Variants in CEP72 observed in about 807,000 individuals in gnomAD.
The protein encoded by CEP72 is centrosomal protein of 72 kDa.
A neutral mutation model predicts 65.7 loss-of-function variants in CEP72; 78 were observed. The ratio of observed to expected loss-of-function variants is 1.19; its 90% CI spans 0.99 to 1.43. The LOEUF (loss-of-function observed/expected upper bound fraction) is 1.43. CEP72 is among the 40% of genes most tolerant of loss of function. The probability of loss-of-function intolerance (pLI) is 0.00; values close to 1 mark genes in which losing one functional copy is unlikely to be tolerated. For synonymous variants in CEP72, 358 were observed against 351.7 expected (o/e 1.02, Z -0.20); for missense variants, 914 against 832.9 (o/e 1.10, Z -1.20).
intron 11 of CEP72, among the ~76,000 whole-genome samples, chr5:650,571 CTG>C (rs372028141): frequency 6.7e-3 from 63 of 9,350 alleles, no homozygotes; most frequent in Non-Finnish European, 7.2e-3. Flanking sequence ...TGAGGTGTGA[CTG>C]TGAGGTGTGA....
Position 653,112 on chromosome 5 carries a change from C to T in CEP72, c.1903C>T (p.Pro635Ser), listed in dbSNP as rs62330302. The T allele has an allele frequency of 1.9e-6, 3 of 1,612,918 alleles. No homozygotes were observed. Among genetic ancestry groups the T allele is most frequent in the Admixed American group, 3.3e-5 (2 of 59,964 alleles). ...QELKKTMALF[P>S]HSSASHGGCQ... ...GCTCAAGAAGACCATGGCCCTGTTT[C>T]CACACAGCAGCGCCAGCCATGGAGG... The change falls in exon 12 of 12, where the codon CCA (proline) becomes TCA (serine). Residue 635 changes from proline to serine, a missense_variant. Coordinates refer to ENST00000264935, the MANE Select transcript of CEP72 (RefSeq NM_018140.4).
intron 4 of CEP72, among the ~76,000 whole-genome samples, chr5:629,442 T>A (rs544799268): frequency 1.0e-4 from 15 of 148,474 alleles, no homozygotes; most frequent in Admixed American, 3.4e-4. Flanking sequence ...GGTGGGATTC[T>A]GTCCAGTGCC....
At chr5:673,552 ACACGGCGCCCACT>A in the CEP72 span, among the ~76,000 whole-genome samples, 2 of 152,072 alleles carry the variant, frequency 1.3e-5, no homozygotes, top group Non-Finnish European at 1.5e-5. Context: ...ACAATCTCCC[ACACGGCGCCCACT>A]CACGGTGCCC....
At chr5:658,664 T>A (rs1261856589), downstream of CEP72, among the ~76,000 whole-genome samples, 7 of 61,952 alleles carry the variant, frequency 1.1e-4, no homozygotes, top group African/African-American at 4.5e-4. Context: ...TTTTTTTTTT[T>A]TTTTTTTTTT....
chr5:642,365 C>G (rs2126799613), intron 9 of CEP72: 1 of 985,424 alleles, frequency 1.0e-6, no homozygotes, highest in Admixed American at 6.1e-5. Context: ...CTCTGGAAGC[C>G]TCTATATTTA....
downstream of CEP72, among the ~76,000 whole-genome samples, chr5:654,008 GTGC>G (rs1414168726): frequency 2.2e-5 from 3 of 139,158 alleles, no homozygotes; most frequent in Non-Finnish European, 4.6e-5. Context: ...CTGTGTGTGT[GTGC>G]TGTGTGTGCG....
intron 11 of CEP72, 122 bp from the exon 12 acceptor site, chr5:652,866 T>G: frequency 3.7e-6 from 4 of 1,072,796 alleles, no homozygotes; most frequent in African/African-American, 1.6e-5. Flanking sequence ...CAGAGATAGG[T>G]CTGTGTGCAG....
Position 645,606 on chromosome 5 carries a change from C to T in CEP72, c.1666+1181C>T, listed in dbSNP as rs1247625483. 6.6e-6 allele frequency among the ~76,000 whole-genome samples: 1 copy of T among 152,166 alleles called. No individual in the cohort carries two copies. The highest frequency in any genetic ancestry group is 1.5e-5 in the Non-Finnish European group (1 of 68,036). ...GGGTGTTGCTGTGTCTGACCTGTCC[C>T]ATCTCGAGTGAGTGCAGGCACCAGC... is the stretch of plus-strand genomic sequence containing the variant. On this transcript the variant is annotated intron_variant, in intron 10 of 11. Transcript: ENST00000264935. The surrounding 1 kb of genome is among the most constrained non-coding windows in gnomAD (Gnocchi z 4.0).
chr5:622,687 C>T (rs1051428467), intron 3 of CEP72, among the ~76,000 whole-genome samples: 7 of 152,218 alleles, frequency 4.6e-5, no homozygotes, highest in African/African-American at 1.7e-4. Context: ...GTGCTGGCCA[C>T]CTGAGAGCCT....
chr5:628,870 C>G (rs1398059876), intron 4 of CEP72, among the ~76,000 whole-genome samples: 4 of 111,146 alleles, frequency 3.6e-5, no homozygotes, highest in African/African-American at 1.6e-4. Context: ...GTGCAGCGTT[C>G]TGGAGAACTC....
In CEP72 at chr5:623,421, C is replaced by T. The variant is rs1211837839; in HGVS notation, c.404-1050C>T. ...GGAGGAGGCAGATAGCAAGGGCCTG[C>T]GTGTGGGATGGAGGCGGCGTCTGGA... On this transcript the variant is annotated intron_variant, in intron 3 of 11. Coordinates refer to ENST00000264935, the MANE Select transcript of CEP72 (RefSeq NM_018140.4). The surrounding 1 kb of genome is among the most constrained non-coding windows in gnomAD (Gnocchi z 5.3). 2.0e-5 allele frequency among the ~76,000 whole-genome samples: 3 copies of T among 152,112 alleles called. No homozygotes were observed. Among genetic ancestry groups the T allele is most frequent in the East Asian group, 1.9e-4 (1 of 5,196 alleles).
intron 9 of CEP72, among the ~76,000 whole-genome samples, chr5:643,840 C>G (rs1190323421): frequency 6.6e-6 from 1 of 152,234 alleles, no homozygotes; most frequent in Admixed American, 6.5e-5. Context: ...CTTCTCCATA[C>G]TTTGAGGATA....
At chr5:648,906 AGGGGTGACTGTG>A (rs1738670442) in intron 11 of CEP72, among the ~76,000 whole-genome samples, 1 of 98,450 alleles carries the variant, frequency 1.0e-5, no homozygotes, top group African/African-American at 4.0e-5. Flanking sequence ...GTGGACTGTG[AGGGGTGACTGTG>A]AGGTGTGACT....
chr5:635,347 T>C lies in CEP72; in HGVS notation c.692-25T>C, dbSNP rs998285019. The C allele has an allele frequency of 4.7e-6, 7 of 1,480,872 alleles. No individual in the cohort carries two copies. The African/African-American group carries it at 9.9e-5, about 21-fold the overall frequency. 91.7% of individuals were successfully genotyped at this position (1,480,872 alleles called of 1,614,324 possible). ...AAAACTTTTACAATGTTTTATGAAA[T>C]ATTTTATTTACAATATTTTAATAGA... On this transcript the variant is annotated intron_variant, in intron 5 of 11. Transcript: ENST00000264935.
chr5:665,351 G>T, intron 3 of CEP72: 1 of 1,535,650 alleles, frequency 6.5e-7, no homozygotes, highest in Non-Finnish European at 8.8e-7. Context: ...GGTGAGGCCA[G>T]CAAGTGAAAT....
chr5:642,609 C>T lies in CEP72; in HGVS notation c.1540-1690C>T, dbSNP rs555971694. 48 of 985,490 alleles carry T rather than the reference C, an allele frequency of 4.9e-5. No individual in the cohort carries two copies. The South Asian group carries it at 5.2e-4, about 11-fold the overall frequency. The allele number at this position is 985,490 out of a possible 1,614,324, so 61.0% of individuals were successfully genotyped here. A position where few individuals can be genotyped will look rare whatever the true frequency, so the allele number is the denominator to read the frequency against. On this transcript the variant is annotated intron_variant, in intron 9 of 11. Coordinates refer to ENST00000264935, the MANE Select transcript of CEP72 (RefSeq NM_018140.4). The stretch of plus-strand genomic sequence containing the variant: ...CACATGCAGCTGTGGCTGCCGTGGA[C>T]GCCTGCTTTTTTGCCCTCTGCAGTT...
intron 9 of CEP72, chr5:642,272 C>T: frequency 1.0e-6 from 1 of 984,870 alleles, no homozygotes; most frequent in Non-Finnish European, 1.2e-6. Flanking sequence ...CAACGTGGCC[C>T]CTCCTCTGGA....
chr5:652,343 C>A (rs1229731609), intron 11 of CEP72, among the ~76,000 whole-genome samples: 2 of 152,194 alleles, frequency 1.3e-5, no homozygotes, highest in East Asian at 3.9e-4. Flanking sequence ...CACAGTGGCC[C>A]TGTCAGTGGG....
chr5:646,711 G>C (rs2126809285), intron 10 of CEP72, among the ~76,000 whole-genome samples: 1 of 152,340 alleles, frequency 6.6e-6, no homozygotes, highest in East Asian at 1.9e-4. Context: ...CTCATGGGAG[G>C]GGCAGGGCCG....
Sources: allele counts gnomAD v4.1 joint callset (sites outside exome capture counted in the v4.1 genomes callset), GRCh38; gene constraint gnomAD v4.1.1; non-coding constraint Gnocchi (gnomAD v3.1); transcripts MANE v1.5; gene names NCBI Gene and HGNC (gene_info 2026-07-23, HGNC 2026-07-21).